TFF3: variants seen among roughly 807,000 people sequenced by gnomAD.
TFF3 encodes polypeptide P1.B.
A neutral mutation model predicts 9.7 loss-of-function variants in TFF3; 6 were observed. The observed-to-expected ratio is 0.62, with a 90% confidence interval of 0.34 to 1.22. The LOEUF (loss-of-function observed/expected upper bound fraction) is 1.22. Ranked by LOEUF, TFF3 falls within the 50% of genes most tolerant of loss-of-function variation. The probability of loss-of-function intolerance (pLI) is 0.04; values close to 1 mark genes in which losing one functional copy is unlikely to be tolerated. For missense variants in TFF3, 93 were observed against 98.6 expected, an observed-to-expected ratio of 0.94 and a Z score of 0.24; for synonymous variants, 48 against 41.4, an observed-to-expected ratio of 1.16 and a Z score of -0.61.
chr21:42,312,091 C>A lies in TFF3; in HGVS notation c.*165G>T. Reference sequence around the variant, plus strand: ...ACTGTCCTCGGGTGGAGCATGGGACCTTTATTCGTTAAGACATCAGGCTCC... The same window carrying A: ...ACTGTCCTCGGGTGGAGCATGGGACATTTATTCGTTAAGACATCAGGCTCC... On this transcript the variant is annotated 3_prime_UTR_variant, in exon 3 of 3. Coordinates refer to ENST00000518498, the MANE Select transcript of TFF3 (RefSeq NM_003226.4). The A allele has an allele frequency of 1.1e-6, 1 of 924,210 alleles. No homozygotes were observed. The highest frequency in any genetic ancestry group is 1.3e-5 in the South Asian group (1 of 74,760). 57.3% of individuals were successfully genotyped at this position (924,210 alleles called of 1,614,324 possible).
rs1319405604 is a variant in TFF3, at chr21:42,313,228, C to G, written c.229+257G>C. Among the ~76,000 whole-genome samples the G allele has an allele frequency of 2.6e-5, 4 of 152,216 alleles. No individual in the cohort carries two copies. The highest frequency in any genetic ancestry group is 9.6e-5 in the African/African-American group (4 of 41,462). On this transcript the variant is annotated intron_variant, in intron 2 of 2. Coordinates refer to ENST00000518498, the MANE Select transcript of TFF3 (RefSeq NM_003226.4). This position sits in a 1 kb window ranked among gnomAD's most constrained non-coding sequence, Gnocchi z 4.0. ...AGAATAGTTACTAAATCAGTTCCCT[C>G]TATGCGATGCCATCATTTTGAACAC...
chr21:42,315,409 C>A lies in TFF3; in HGVS notation c.-35G>T. The A allele has an allele frequency of 2.5e-6, 4 of 1,614,174 alleles. No homozygotes were observed. Among genetic ancestry groups the A allele is most frequent in the Non-Finnish European group, 3.4e-6 (4 of 1,180,018 alleles). On this transcript the variant is annotated 5_prime_UTR_variant, in exon 1 of 3. Transcript: ENST00000518498. ...GGGCTCCGGGACGCAGCTCAGGACT[C>A]GCTTCATGGTCCAGGAGGCCTCATT...
chr21:42,314,199 A>G (rs1217110506), intron 1 of TFF3, among the ~76,000 whole-genome samples: 2 of 152,242 alleles, frequency 1.3e-5, no homozygotes, highest in Non-Finnish European at 2.9e-5. Context: ...TATGTGCAGC[A>G]GAAGTTCACT....
rs982350172 is a variant in TFF3 at position 42,313,073 on chromosome 21, G to A, written c.229+412C>T. On this transcript the variant is annotated intron_variant, in intron 2 of 2. Coordinates refer to ENST00000518498, the MANE Select transcript of TFF3 (RefSeq NM_003226.4). This position sits in a 1 kb window ranked among gnomAD's most constrained non-coding sequence, Gnocchi z 4.0. Reference sequence around the variant, plus strand: ...GTGGGGTGTGGCACCGAGGCCTGACGTCTAGGGCTGGGACCGCCTGCCGTC... The same window carrying A: ...GTGGGGTGTGGCACCGAGGCCTGACATCTAGGGCTGGGACCGCCTGCCGTC... 6.6e-6 allele frequency among the ~76,000 whole-genome samples: 1 copy of A among 152,096 alleles called. No individual in the cohort carries two copies.
Position 42,313,603 on chromosome 21 carries a change from C to T in TFF3, c.111G>A (p.Lys37=). 2 of 1,610,734 alleles carry T rather than the reference C, an allele frequency of 1.2e-6. No individual in the cohort carries two copies. The highest frequency in any genetic ancestry group is 1.1e-5 in the South Asian group (1 of 90,682). The change falls in exon 2 of 3, where the codon AAG becomes AAA. Residue 37 remains lysine (K), a synonymous_variant. Coordinates refer to ENST00000518498, the MANE Select transcript of TFF3 (RefSeq NM_003226.4). The surrounding 1 kb of genome is among the most constrained non-coding windows in gnomAD (Gnocchi z 4.0). ...LSANQCAVPA[K]DRVDCGYPHV... is the part of the protein sequence containing the mutation. ...GGGGGTAGCCGCAGTCCACCCTGTC[C>T]TTGGCTGGCACGGCACACTGGTTTG... is the stretch of plus-strand genomic sequence containing the variant.
In TFF3 at chr21:42,312,274, A is replaced by C; in HGVS notation, c.230-5T>G. The C allele has an allele frequency of 6.2e-7, 1 of 1,605,650 alleles. No individual in the cohort carries two copies. The highest frequency in any genetic ancestry group is 8.5e-7 in the Non-Finnish European group (1 of 1,175,840). On this transcript the variant is annotated splice_polypyrimidine_tract_variant and splice_region_variant and intron_variant, in intron 2 of 2. Transcript: ENST00000518498. Reference sequence around the variant, plus strand: ...AGGTGCCTCAGAAGGTGCATTCTGCAAACAGAGCAAAGGCTTGTGTGAGCA... The same window carrying C: ...AGGTGCCTCAGAAGGTGCATTCTGCCAACAGAGCAAAGGCTTGTGTGAGCA...
intron 1 of TFF3, among the ~76,000 whole-genome samples, chr21:42,314,821 C>T (rs1185912989): frequency 3.3e-5 from 5 of 152,208 alleles, no homozygotes; most frequent in Non-Finnish European, 5.9e-5. Context: ...GCCATGCCCT[C>T]ATTCCTTCAA....
At chr21:42,312,393 GTGTT>G in intron 2 of TFF3, 124 bp from the exon 3 acceptor site, 7 of 1,179,120 alleles carry the variant, frequency 5.9e-6, no homozygotes, top group Non-Finnish European at 8.3e-6. Context: ...TCACCGGGGA[GTGTT>G]GAGTCCCCAC....
At position 42,313,764 on chromosome 21, in the gene TFF3, G is replaced by C. The variant is rs974511073; in HGVS notation, c.83-133C>G. The C allele has an allele frequency of 9.6e-7, 1 of 1,039,256 alleles. No individual in the cohort carries two copies. Among genetic ancestry groups the C allele is most frequent in the Non-Finnish European group, 1.3e-6 (1 of 749,428 alleles). The allele number at this position is 1,039,256 out of a possible 1,614,324, so 64.4% of individuals were successfully genotyped here. A position where few individuals can be genotyped will look rare whatever the true frequency, so the allele number is the denominator to read the frequency against. The stretch of plus-strand genomic sequence containing the variant: ...GAGTTCAACCACTGCTGAAACCCTC[G>C]CCCTTAGGAAGATGCACTTTCCCTG... On this transcript the variant is annotated intron_variant, in intron 1 of 2. Transcript: ENST00000518498. This position sits in a 1 kb window ranked among gnomAD's most constrained non-coding sequence, Gnocchi z 4.0.
At position 42,313,630 on chromosome 21, in the gene TFF3, A is replaced by G; in HGVS notation, c.84T>C (p.Ser28=). 1 of 1,608,642 alleles carries G rather than the reference A, an allele frequency of 6.2e-7. No homozygotes were observed. The highest frequency in any genetic ancestry group is 1.7e-5 in the Admixed American group (1 of 59,582). The change falls in exon 2 of 3, where the codon TCT becomes TCC. Residue 28 remains serine, a splice_region_variant and synonymous_variant. Transcript: ENST00000518498. This position sits in a 1 kb window ranked among gnomAD's most constrained non-coding sequence, Gnocchi z 4.0. ...SSSAEEYVGL[S]ANQCAVPAKD... Reference sequence around the variant, plus strand: ...TGGCTGGCACGGCACACTGGTTTGCAGCTGTCCCAGACAAAGCCCTGTCAG... The same window carrying G: ...TGGCTGGCACGGCACACTGGTTTGCGGCTGTCCCAGACAAAGCCCTGTCAG...
At chr21:42,312,598 G>A (rs1403013274) in intron 2 of TFF3, among the ~76,000 whole-genome samples, 1 of 152,140 alleles carries the variant, frequency 6.6e-6, no homozygotes, top group Non-Finnish European at 1.5e-5. Flanking sequence ...CTCTCTCCTG[G>A]CCTTCTCTGG....
chr21:42,314,727 T>G (rs781547648), intron 1 of TFF3, among the ~76,000 whole-genome samples: 2 of 152,154 alleles, frequency 1.3e-5, no homozygotes, highest in Non-Finnish European at 2.9e-5. Context: ...CATTAGGATT[T>G]TTAAAGCTCT....
chr21:42,312,677 C>T (rs1053130832), intron 2 of TFF3, among the ~76,000 whole-genome samples: 1 of 152,128 alleles, frequency 6.6e-6, no homozygotes, highest in African/African-American at 2.4e-5. Flanking sequence ...AGGGGCCCAT[C>T]ATTGATCAGG....
Position 42,312,006 on chromosome 21 carries a change from G to T in TFF3, c.*250C>A. 1 of 546,174 alleles carries T rather than the reference G, an allele frequency of 1.8e-6. No individual in the cohort carries two copies. The highest frequency in any genetic ancestry group is 4.0e-5 in the East Asian group (1 of 25,094). The allele number at this position is 546,174 out of a possible 1,614,324, so 33.8% of individuals were successfully genotyped here. On this transcript the variant is annotated 3_prime_UTR_variant, in exon 3 of 3. Transcript: ENST00000518498. ...GCAGACTCTCCCCTGACACCCTCCC[G>T]CCCTCTCCCACGACGCAGCAGAAAT...
In TFF3 at chr21:42,313,556, T is replaced by C. The variant is rs141122952; in HGVS notation, c.158A>G (p.Asn53Ser). 6 of 1,611,200 alleles carry C rather than the reference T, an allele frequency of 3.7e-6. No homozygotes were observed. The highest frequency in any genetic ancestry group is 4.2e-6 in the Non-Finnish European group (5 of 1,179,576). ...GGAGTCAAAGCAGCAGCCCCGGTTG[T>C]TGCACTCCTTGGGGGTGACATGGGG... ...GYPHVTPKEC[N>S]NRGCCFDSRI... Residue 53 changes from asparagine (N) to serine (S), a missense_variant, in exon 2 of 3, where the codon AAC (asparagine) becomes AGC (serine). By Grantham distance (46) the Asn-to-Ser change is conservative. Coordinates refer to ENST00000518498, the MANE Select transcript of TFF3 (RefSeq NM_003226.4). The surrounding 1 kb of genome is among the most constrained non-coding windows in gnomAD (Gnocchi z 4.0).
Position 42,315,293 on chromosome 21 carries a change from A to G in TFF3, c.82T>C (p.Ser28Pro). ...SSSAEEYVGL[S>P]ANQCAVPAKD... ...CCGGGGCAGTCAGGGCAGTACTCAC[A>G]CAGGCCCACGTACTCCTCAGCAGAG... is the stretch of plus-strand genomic sequence containing the variant. The change falls in exon 1 of 3, where the codon TCT (serine) becomes CCT (proline). Residue 28 changes from serine (S) to proline (P), a missense_variant and splice_region_variant. Coordinates refer to ENST00000518498, the MANE Select transcript of TFF3 (RefSeq NM_003226.4). The G allele has an allele frequency of 6.2e-7, 1 of 1,613,026 alleles. No homozygotes were observed. Among genetic ancestry groups the G allele is most frequent in the African/African-American group, 1.3e-5 (1 of 75,038 alleles).
At position 42,313,807 on chromosome 21, in the gene TFF3, G is replaced by T; in HGVS notation, c.83-176C>A. On this transcript the variant is annotated intron_variant, in intron 1 of 2. Coordinates refer to ENST00000518498, the MANE Select transcript of TFF3 (RefSeq NM_003226.4). This position sits in a 1 kb window ranked among gnomAD's most constrained non-coding sequence, Gnocchi z 4.0. The stretch of plus-strand genomic sequence containing the variant: ...TTTCCCTGTGAATATTTAAAGAGAG[G>T]CAGTCTGTTAAATGCTCAGCTCGGG... The T allele has an allele frequency of 1.4e-6, 1 of 701,992 alleles. No individual in the cohort carries two copies. The highest frequency in any genetic ancestry group is 2.2e-6 in the Non-Finnish European group (1 of 453,832). 43.5% of individuals were successfully genotyped at this position (701,992 alleles called of 1,614,324 possible).
In TFF3 at chr21:42,312,250, G is replaced by A. The variant is rs1480228167; in HGVS notation, c.*6C>T. On this transcript the variant is annotated 3_prime_UTR_variant, in exon 3 of 3. Transcript: ENST00000518498. ...CATCCCCCGGCCGGGGGCAGCTGGAGGTGCCTCAGAAGGTGCATTCTGCAA... is the reference window on the plus strand; with the variant it reads ...CATCCCCCGGCCGGGGGCAGCTGGAAGTGCCTCAGAAGGTGCATTCTGCAA... The A allele has an allele frequency of 6.2e-7, 1 of 1,612,890 alleles. No homozygotes were observed.
Position 42,313,163 on chromosome 21 carries a change from C to T in TFF3, c.229+322G>A, listed in dbSNP as rs888152344. On this transcript the variant is annotated intron_variant, in intron 2 of 2. Coordinates refer to ENST00000518498, the MANE Select transcript of TFF3 (RefSeq NM_003226.4). This position sits in a 1 kb window ranked among gnomAD's most constrained non-coding sequence, Gnocchi z 4.0. ...CGATTTGCAAAAACAGCCCAAAAGT[C>T]GGCCCGGCTTTCCACACCTATGCGT... is the stretch of plus-strand genomic sequence containing the variant. 6.6e-6 allele frequency among the ~76,000 whole-genome samples: 1 copy of T among 152,226 alleles called. No homozygotes were observed. Among genetic ancestry groups the T allele is most frequent in the Non-Finnish European group, 1.5e-5 (1 of 68,030 alleles).
Sources: allele counts gnomAD v4.1 joint callset (sites outside exome capture counted in the v4.1 genomes callset), GRCh38; gene constraint gnomAD v4.1.1; non-coding constraint Gnocchi (gnomAD v3.1); transcripts MANE v1.5; gene names NCBI Gene and HGNC (gene_info 2026-07-23, HGNC 2026-07-21).